Variants in VEGFC observed in about 807,000 individuals in gnomAD.
The protein encoded by VEGFC is FLT4 ligand DHM.
VEGFC carries 12 observed loss-of-function variants against 46.1 expected under a neutral mutation model. That is an observed-to-expected ratio of 0.26 (90% CI 0.17 to 0.42). VEGFC has a LOEUF of 0.42. VEGFC is among the 10% of genes least tolerant of loss of function. VEGFC has a pLI of 1.00. For synonymous variants in VEGFC, 232 were observed against 195.5 expected (o/e 1.19, Z -1.56); for missense variants, 488 against 529.4 (o/e 0.92, Z 0.77).
At chr4:176,773,033 C>T (rs1259354078) in intron 1 of VEGFC, among the ~76,000 whole-genome samples, 1 of 152,172 alleles carries the variant, frequency 6.6e-6, no homozygotes, top group Admixed American at 6.5e-5. Flanking sequence ...TTATCGGCTT[C>T]TCTTACAGCC....
chr4:176,694,666 T>C (rs201256836), intron 4 of VEGFC, among the ~76,000 whole-genome samples: 27,895 of 140,650 alleles, frequency 0.2, 5,526 homozygotes, highest in African/African-American at 0.51. Flanking sequence ...CCCAAATCAA[T>C]GGAATATATA....
intron 1 of VEGFC, among the ~76,000 whole-genome samples, chr4:176,783,623 G>A (rs1735949948): frequency 1.3e-5 from 2 of 152,276 alleles, no homozygotes; most frequent in South Asian, 4.1e-4. Flanking sequence ...CACATAAGGA[G>A]ACAGCATCAT....
rs1734901276 is a variant in VEGFC at position 176,727,978 on chromosome 4, C to T, written c.362-10G>A. ...CACTCATTATCAATACCTGTCAAGT[C>T]ATAGGGAAATCAGTAAGTTTTACGG... On this transcript the variant is annotated splice_polypyrimidine_tract_variant and intron_variant, in intron 2 of 6. Transcript: ENST00000618562. The T allele has an allele frequency of 6.4e-7, 1 of 1,574,328 alleles. No homozygotes were observed. Among genetic ancestry groups the T allele is most frequent in the Non-Finnish European group, 8.6e-7 (1 of 1,156,332 alleles).
At chr4:176,751,088 TA>T (rs1170394743) in intron 1 of VEGFC, among the ~76,000 whole-genome samples, 1 of 151,738 alleles carries the variant, frequency 6.6e-6, no homozygotes, top group African/African-American at 2.4e-5. Context: ...AAATTTAAGG[TA>T]ATTCAACTCA....
chr4:176,753,157 GCTGA>G (rs912229883), intron 1 of VEGFC, among the ~76,000 whole-genome samples: 2 of 152,030 alleles, frequency 1.3e-5, no homozygotes, highest in Admixed American at 6.6e-5. Context: ...GAATGGTAGT[GCTGA>G]CTAAAAATCA....
intron 4 of VEGFC, among the ~76,000 whole-genome samples, chr4:176,692,680 A>G (rs1032531323): frequency 4.7e-5 from 7 of 148,582 alleles, no homozygotes; most frequent in African/African-American, 7.8e-5. Context: ...GGCAGGGCAC[A>G]GACAAACAAA....
At chr4:176,685,497 T>C (rs17697305) in intron 6 of VEGFC, among the ~76,000 whole-genome samples, 3,551 of 152,232 alleles carry the variant, frequency 0.023, 64 homozygotes, top group Non-Finnish European at 0.036. Flanking sequence ...AAACAGAGTC[T>C]TTTTGAAAGA....
At chr4:176,692,782 G>A (rs1047995511) in intron 4 of VEGFC, among the ~76,000 whole-genome samples, 13 of 147,500 alleles carry the variant, frequency 8.8e-5, no homozygotes, top group South Asian at 8.4e-4. Context: ...GGAGATCTGA[G>A]AACGGGCAGA....
At position 176,715,706 on chromosome 4, in the gene VEGFC, C is replaced by T. The variant is rs373129631; in HGVS notation, c.553-4056G>A. ...TTTACATAGCTATATTTAATCCCTACGTTACTAAGAATTTCCGTAAGCTTT... is the reference window on the plus strand; with the variant it reads ...TTTACATAGCTATATTTAATCCCTATGTTACTAAGAATTTCCGTAAGCTTT... On this transcript the variant is annotated intron_variant, in intron 3 of 6. Transcript: ENST00000618562. Among the ~76,000 whole-genome samples the T allele has an allele frequency of 4.0e-5, 6 of 150,916 alleles. No individual in the cohort carries two copies. The South Asian group carries it at 6.3e-4, about 16-fold the overall frequency.
intron 1 of VEGFC, among the ~76,000 whole-genome samples, chr4:176,757,688 T>G (rs776009449): frequency 2.0e-5 from 3 of 152,110 alleles, no homozygotes; most frequent in Non-Finnish European, 4.4e-5. Context: ...TTCTTCTAGT[T>G]GAACATACCG....
At chr4:176,713,021 C>T (rs1734642659) in intron 3 of VEGFC, among the ~76,000 whole-genome samples, 1 of 152,050 alleles carries the variant, frequency 6.6e-6, no homozygotes, top group African/African-American at 2.4e-5. Flanking sequence ...CTTTGATAAT[C>T]AGTAAACTAA....
At chr4:176,688,288 G>T (rs551486393) in intron 4 of VEGFC, among the ~76,000 whole-genome samples, 1 of 152,180 alleles carries the variant, frequency 6.6e-6, no homozygotes, top group South Asian at 2.1e-4. Flanking sequence ...ATTTTTATAT[G>T]TCATTGAGTA....
chr4:176,768,264 A>G (rs1329908667), intron 1 of VEGFC, among the ~76,000 whole-genome samples: 1 of 152,002 alleles, frequency 6.6e-6, no homozygotes. Context: ...GATATCTAGA[A>G]CCATGGGACT....
intron 1 of VEGFC, among the ~76,000 whole-genome samples, chr4:176,762,552 T>G (rs1257984487): frequency 6.6e-6 from 1 of 152,178 alleles, no homozygotes; most frequent in African/African-American, 2.4e-5. Context: ...TACCCAGTTT[T>G]AGGTATTCTG....
chr4:176,772,006 A>C (rs1056167873), intron 1 of VEGFC, among the ~76,000 whole-genome samples: 2 of 152,192 alleles, frequency 1.3e-5, no homozygotes, highest in African/African-American at 2.4e-5. Flanking sequence ...AGCCTAACAG[A>C]AAGAAAAGAA....
At chr4:176,704,569 C>G (rs1734493059) in intron 4 of VEGFC, among the ~76,000 whole-genome samples, 1 of 152,032 alleles carries the variant, frequency 6.6e-6, no homozygotes, top group Non-Finnish European at 1.5e-5. Flanking sequence ...TTCTTTCTAT[C>G]CCCATATCCA....
intron 6 of VEGFC, among the ~76,000 whole-genome samples, chr4:176,686,453 G>A (rs12500059): frequency 0.28 from 41,930 of 151,926 alleles, 6,666 homozygotes; most frequent in African/African-American, 0.42. Context: ...TATAAACTAA[G>A]GGGAAAAAAA....
intron 2 of VEGFC, among the ~76,000 whole-genome samples, chr4:176,728,211 T>A (rs1182005960): frequency 6.6e-6 from 1 of 152,164 alleles, no homozygotes; most frequent in Non-Finnish European, 1.5e-5. Context: ...AAAATTAGCA[T>A]TATGCTTTAT....
At chr4:176,701,231 T>C (rs148519620) in intron 4 of VEGFC, among the ~76,000 whole-genome samples, 202 of 152,346 alleles carry the variant, frequency 1.3e-3, no homozygotes, top group African/African-American at 4.6e-3. Flanking sequence ...TACTTTCTGC[T>C]TTTTCTGTAA....
Sources: allele counts gnomAD v4.1 joint callset (sites outside exome capture counted in the v4.1 genomes callset), GRCh38; gene constraint gnomAD v4.1.1; transcripts MANE v1.5; gene names NCBI Gene and HGNC (gene_info 2026-07-23, HGNC 2026-07-21).